Variants in ITGB5 observed in about 807,000 individuals in gnomAD.
ITGB5 encodes integrin subunit beta 5, also known as integrin beta-5.
In ITGB5, 38 loss-of-function variants were observed where a neutral mutation model predicts 84.8. That is an observed-to-expected ratio of 0.45 (90% confidence interval 0.35 to 0.59). The LOEUF is 0.59. ITGB5 is among the 20% of genes least tolerant of loss of function. ITGB5 has a pLI of 0.01. For missense variants in ITGB5, 905 were observed against 1,034.5 expected, an observed-to-expected ratio of 0.87 and a Z score of 1.72; for synonymous variants, 393 against 414.4, an observed-to-expected ratio of 0.95 and a Z score of 0.63.
intron 10 of ITGB5, among the ~76,000 whole-genome samples, chr3:124,790,945 G>T (rs114263121): frequency 0.014 from 2,115 of 152,252 alleles, 28 homozygotes; most frequent in South Asian, 0.07. Context: ...ATCCAAGAAT[G>T]AGGCTGACCA....
chr3:124,790,864 A>T (rs2064140500), intron 10 of ITGB5, among the ~76,000 whole-genome samples: 1 of 152,222 alleles, frequency 6.6e-6, no homozygotes, highest in Non-Finnish European at 1.5e-5. Context: ...GAGATCTTAC[A>T]GCCACGAGAC....
At position 124,809,073 on chromosome 3, in the gene ITGB5, C is replaced by T; in HGVS notation, c.1212G>A (p.Gly404=). 6.2e-7 allele frequency: 1 copy of T among 1,614,064 alleles called. No homozygotes were observed. The highest frequency in any genetic ancestry group is 8.5e-7 in the Non-Finnish European group (1 of 1,179,988). ...ACTTCCTCTGACCAGGATAGGATAC[C>T]CCATCTTGGCAGGTAGCAGTAAAGA... The part of the protein sequence containing the change: ...NLFFTATCQD[G]VSYPGQRKCE... Residue 404 remains glycine, a synonymous_variant, in exon 9 of 15, where the codon GGG becomes GGA. Coordinates refer to ENST00000296181, the MANE Select transcript of ITGB5 (RefSeq NM_002213.5).
At chr3:124,835,139 G>T (rs1342927250) in intron 5 of ITGB5, among the ~76,000 whole-genome samples, 3 of 152,092 alleles carry the variant, frequency 2.0e-5, no homozygotes, top group Non-Finnish European at 2.9e-5. Flanking sequence ...TTACACTAGA[G>T]GGCAAAAAGA....
At chr3:124,793,294 G>A (rs1159475164) in intron 10 of ITGB5, among the ~76,000 whole-genome samples, 1 of 152,138 alleles carries the variant, frequency 6.6e-6, no homozygotes, top group Non-Finnish European at 1.5e-5. Context: ...ACATACCAGA[G>A]GGTTATTTCA....
chr3:124,787,909 CTTT>C (rs35730935), intron 10 of ITGB5, among the ~76,000 whole-genome samples: 13 of 137,636 alleles, frequency 9.4e-5, no homozygotes, highest in Non-Finnish European at 9.4e-5. Context: ...ACAGATAGCT[CTTT>C]TTTTTTTTTT....
At chr3:124,819,955 C>T (rs1208518780) in intron 6 of ITGB5, 121 bp from the exon 7 acceptor site, 7 of 744,906 alleles carry the variant, frequency 9.4e-6, no homozygotes, top group Non-Finnish European at 1.5e-5. Context: ...CTTAGGTGGC[C>T]CCTTAGAGTC....
intron 8 of ITGB5, among the ~76,000 whole-genome samples, chr3:124,810,251 G>C (rs995375823): frequency 4.6e-5 from 7 of 152,150 alleles, no homozygotes; most frequent in African/African-American, 1.4e-4. Flanking sequence ...AGAGACAAAG[G>C]CATATATATT....
chr3:124,874,306 G>GAAAAAAAAAAAAAAAAAAA (rs59287818), intron 1 of ITGB5, among the ~76,000 whole-genome samples: 3 of 113,388 alleles, frequency 2.6e-5, no homozygotes, highest in Admixed American at 9.7e-5. Context: ...TCAAAAGCCG[G>GAAAAAAAAAAAAAAAAAAA]AAAAAAAAAA....
intron 4 of ITGB5, among the ~76,000 whole-genome samples, chr3:124,845,935 G>A (rs535121486): frequency 1.3e-5 from 2 of 152,300 alleles, no homozygotes; most frequent in South Asian, 4.1e-4. Flanking sequence ...AGCTGAAAAG[G>A]GCCTTGGAGA....
chr3:124,804,670 TG>T (rs1198346308), intron 9 of ITGB5, among the ~76,000 whole-genome samples: 2 of 152,158 alleles, frequency 1.3e-5, no homozygotes, highest in Non-Finnish European at 2.9e-5. Context: ...TTATCTTTTT[TG>T]TTTGTTTGTT....
chr3:124,841,528 A>G lies in ITGB5; in HGVS notation c.635T>C (p.Val212Ala). The G allele has an allele frequency of 3.1e-6, 5 of 1,613,866 alleles. No individual in the cohort carries two copies. Among genetic ancestry groups the G allele is most frequent in the Non-Finnish European group, 4.2e-6 (5 of 1,179,926 alleles). Residue 212 changes from valine to alanine, a missense_variant, in exon 5 of 15, where the codon GTC becomes GCC. Val to Ala is a moderately conservative substitution (Grantham distance 64). Transcript: ENST00000296181. ...CIGYKLFPNC[V>A]PSFGFRHLLP... The stretch of plus-strand genomic sequence containing the variant: ...CAGATGGCGGAACCCAAAGGAGGGG[A>G]CGCAATTTGGAAACAACTTGTAACT...
At chr3:124,775,909 T>C (rs2063920161) in intron 10 of ITGB5, among the ~76,000 whole-genome samples, 1 of 152,220 alleles carries the variant, frequency 6.6e-6, no homozygotes, top group South Asian at 2.1e-4. Context: ...GGGGACCATC[T>C]GGACAGCCAA....
intron 12 of ITGB5, 129 bp downstream of exon 12, chr3:124,768,884 G>T: frequency 1.6e-6 from 1 of 631,832 alleles, no homozygotes; most frequent in East Asian, 2.7e-5. Flanking sequence ...TCCAGCACCG[G>T]GTCCTCATGG....
chr3:124,795,916 G>A (rs539066299), intron 10 of ITGB5, among the ~76,000 whole-genome samples: 3 of 152,310 alleles, frequency 2.0e-5, no homozygotes, highest in Admixed American at 1.3e-4. Flanking sequence ...CAGACTTCTG[G>A]CCTCCAGAAC....
chr3:124,883,532 A>T (rs1934673325), intron 1 of ITGB5, among the ~76,000 whole-genome samples: 1 of 152,188 alleles, frequency 6.6e-6, no homozygotes, highest in Non-Finnish European at 1.5e-5. Flanking sequence ...ACCTACAGAG[A>T]GCTGCAGACC....
chr3:124,899,068 T>C (rs1414050974), intron 1 of ITGB5, among the ~76,000 whole-genome samples: 1 of 148,736 alleles, frequency 6.7e-6, no homozygotes, highest in Non-Finnish European at 1.5e-5. Flanking sequence ...AGAGTGAGAC[T>C]CTGTCTCAAA....
rs539094009 is a variant in ITGB5 at position 124,809,061 on chromosome 3, A to G, written c.1224T>C (p.Pro408=). 1.4e-5 allele frequency: 22 copies of G among 1,614,200 alleles called. No individual in the cohort carries two copies. In the South Asian group the frequency reaches 2.1e-4, roughly 15 times the overall value. ...TATCQDGVSY[P]GQRKCEGLKI... ...TCAGACCCTCACACTTCCTCTGACC[A>G]GGATAGGATACCCCATCTTGGCAGG... Residue 408 remains proline, a synonymous_variant, in exon 9 of 15, where the codon CCT becomes CCC. Coordinates refer to ENST00000296181, the MANE Select transcript of ITGB5 (RefSeq NM_002213.5).
intron 3 of ITGB5, among the ~76,000 whole-genome samples, chr3:124,852,333 GCCAGCCTCAGGA>G (rs1457204707): frequency 6.6e-6 from 1 of 151,944 alleles, no homozygotes; most frequent in African/African-American, 2.4e-5. Flanking sequence ...CGTAATTCCT[GCCAGCCTCAGGA>G]CCAGGGGCAG....
chr3:124,797,784 G>A lies in ITGB5; in HGVS notation c.1264-967C>T, dbSNP rs576131362. ...TGAATCACCCATCAGGGCCCTGAGA[G>A]CAAGTCACTGTGGATTCTATGAAAA... On this transcript the variant is annotated intron_variant, in intron 9 of 14. Transcript: ENST00000296181. 3.0e-3 allele frequency among the ~76,000 whole-genome samples: 464 copies of A among 152,236 alleles called. 12 individuals are homozygous for A. Among genetic ancestry groups the A allele is most frequent in the Non-Finnish European group, 3.2e-4 (22 of 68,018 alleles).
Sources: gnomAD v4.1 joint callset for allele counts (sites outside exome capture counted in the v4.1 genomes callset) on GRCh38, gnomAD v4.1.1 for gene constraint, MANE v1.5 for transcripts, NCBI Gene and HGNC (gene_info 2026-07-23, HGNC 2026-07-21) for gene names.